The following B3GALNT2 variants were observed in gnomAD, a reference collection of about 807,000 sequenced individuals.
The protein encoded by B3GALNT2 is UDP-GalNAc:beta-1,3-N-acetylgalactosaminyltransferase 2.
Under a neutral mutation model 61.1 loss-of-function variants are expected in B3GALNT2, and 53 were observed. The observed-to-expected ratio is 0.87, with a 90% CI of 0.70 to 1.09. The LOEUF is 1.09. Ranked by LOEUF, B3GALNT2 falls within the 50% of genes least tolerant of loss-of-function variation. The probability of loss-of-function intolerance (pLI) is 0.00; values close to 1 mark genes in which losing one functional copy is unlikely to be tolerated. For synonymous variants in B3GALNT2, 223 were observed against 237.4 expected (o/e 0.94, Z 0.56); for missense variants, 544 against 623.0 (o/e 0.87, Z 1.35).
chr1:235,484,621 C>T, intron 3 of B3GALNT2, 106 bp from the exon 4 acceptor site: 1 of 1,389,082 alleles, frequency 7.2e-7, no homozygotes, highest in Non-Finnish European at 9.3e-7. Context: ...TAATCATTTG[C>T]TATATAATTC....
At chr1:235,488,234 GT>G (rs1213714038) in intron 3 of B3GALNT2, among the ~76,000 whole-genome samples, 1 of 152,072 alleles carries the variant, frequency 6.6e-6, no homozygotes, top group Non-Finnish European at 1.5e-5. Context: ...AAAATCAGCA[GT>G]TTTCCAAAAG....
chr1:235,474,985 A>ATTTTTTT (rs1558425516), intron 5 of B3GALNT2, among the ~76,000 whole-genome samples: 11 of 37,784 alleles, frequency 2.9e-4, no homozygotes, highest in Non-Finnish European at 4.5e-4. Flanking sequence ...ATATATATAT[A>ATTTTTTT]TATTTTTTTT....
rs1223961585 is a variant in B3GALNT2, at chr1:235,448,199, A to AG, written c.*2006dup. 17 of 693,488 alleles carry AG rather than the reference A, an allele frequency of 2.5e-5. No homozygotes were observed. Among genetic ancestry groups the AG allele is most frequent in the Non-Finnish European group, 4.3e-5 (17 of 396,444 alleles). The allele number at this position is 693,488 out of a possible 1,614,324, so 43.0% of individuals were successfully genotyped here. On this transcript the variant is annotated 3_prime_UTR_variant, in exon 12 of 12. Transcript: ENST00000366600. ...TGGGCGACAGAGCAAGACTTACTTA[A>AG]GTAAGTAAGTAAGTCAGTCTCAAAA...
In B3GALNT2 at chr1:235,466,886, A is replaced by G. The variant is rs1683720879; in HGVS notation, c.763-1172T>C. On this transcript the variant is annotated intron_variant, in intron 6 of 11. Transcript: ENST00000366600. ...GGCTAGATCAGACAGTTAAGAGTCC[A>G]TACTCAGTGTATTTACAGTATTTTT... Among the ~76,000 whole-genome samples, 3 of 152,222 alleles carry G rather than the reference A, an allele frequency of 2.0e-5. No individual in the cohort carries two copies. In the South Asian group the frequency reaches 6.2e-4, roughly 32 times the overall value.
In B3GALNT2 at chr1:235,448,554, T is replaced by C; in HGVS notation, c.*1652A>G. The C allele has an allele frequency of 1.4e-6, 2 of 1,387,554 alleles. No homozygotes were observed. Among genetic ancestry groups the C allele is most frequent in the South Asian group, 1.2e-5 (1 of 86,326 alleles). 86.0% of individuals were successfully genotyped at this position (1,387,554 alleles called of 1,614,324 possible). A position where few individuals can be genotyped will look rare whatever the true frequency, so the allele number is the denominator to read the frequency against. On this transcript the variant is annotated 3_prime_UTR_variant, in exon 12 of 12. Transcript: ENST00000366600. ...TCTAAATGGAGACCATGGGTCTGTTTGTTTGATTTTAAGGGTAAGCTACTG... is the reference window on the plus strand; with the variant it reads ...TCTAAATGGAGACCATGGGTCTGTTCGTTTGATTTTAAGGGTAAGCTACTG...
At chr1:235,486,611 T>C (rs1158584503) in intron 3 of B3GALNT2, among the ~76,000 whole-genome samples, 2 of 152,194 alleles carry the variant, frequency 1.3e-5, no homozygotes, top group Non-Finnish European at 2.9e-5. Flanking sequence ...AAAGATAAGA[T>C]TAGGTTCAAT....
intron 3 of B3GALNT2, among the ~76,000 whole-genome samples, chr1:235,487,278 G>A (rs1038536648): frequency 2.0e-5 from 3 of 152,032 alleles, no homozygotes; most frequent in African/African-American, 7.3e-5. Context: ...TCCTAAGTAA[G>A]AAACCTCTAT....
At chr1:235,488,006 G>C (rs1264472034) in intron 3 of B3GALNT2, among the ~76,000 whole-genome samples, 1 of 151,796 alleles carries the variant, frequency 6.6e-6, no homozygotes, top group Non-Finnish European at 1.5e-5. Flanking sequence ...GGCTGGTTTT[G>C]TGCTCCTCCT....
intron 5 of B3GALNT2, among the ~76,000 whole-genome samples, chr1:235,472,513 C>T (rs1338226376): frequency 6.6e-6 from 1 of 152,134 alleles, no homozygotes; most frequent in East Asian, 1.9e-4. Context: ...CCATTTATCA[C>T]TCTGATATTT....
chr1:235,449,984 AATAG>A lies in B3GALNT2; in HGVS notation c.*218_*221del, dbSNP rs1682793195. The stretch of plus-strand genomic sequence containing the variant: ...CTTGGTATTTTTCTGATAATCTTCC[AATAG>A]ATAAATAAAAACTTTTCTTATGCTA... On this transcript the variant is annotated 3_prime_UTR_variant, in exon 12 of 12. Coordinates refer to ENST00000366600, the MANE Select transcript of B3GALNT2 (RefSeq NM_152490.5). 1 of 408,504 alleles carries A rather than the reference AATAG, an allele frequency of 2.4e-6. No individual in the cohort carries two copies. The highest frequency in any genetic ancestry group is 4.3e-6 in the Non-Finnish European group (1 of 232,390). The allele number at this position is 408,504 out of a possible 1,614,324, so 25.3% of individuals were successfully genotyped here. A position where few individuals can be genotyped will look rare whatever the true frequency, so the allele number is the denominator to read the frequency against.
intron 2 of B3GALNT2, among the ~76,000 whole-genome samples, chr1:235,493,165 T>C (rs1572554703): frequency 1.3e-5 from 2 of 151,442 alleles, no homozygotes; most frequent in Middle Eastern, 6.8e-3. Flanking sequence ...GTGGTAAAGG[T>C]GGTGAGAAGT....
chr1:235,451,592 CAAAA>C (rs1318980148), intron 11 of B3GALNT2: 1 of 151,146 alleles, frequency 6.6e-6, no homozygotes, highest in Non-Finnish European at 1.5e-5. Context: ...TTACCAGATA[CAAAA>C]AAGAATTATA....
Position 235,458,744 on chromosome 1 carries a change from C to T in B3GALNT2, c.884G>A (p.Arg295Lys). ...LLHNLHSRPQ[R>K]LIDHIRNLHE... ...GAGATTCCTTATATGATCAATAAGT[C>T]TTTGAGGGCGAGAATGAAGGTTGTG... The change falls in exon 8 of 12, where the codon AGA (arginine) becomes AAA (lysine). Residue 295 changes from arginine to lysine, a missense_variant. Transcript: ENST00000366600. 1 of 1,606,410 alleles carries T rather than the reference C, an allele frequency of 6.2e-7. No individual in the cohort carries two copies. Among genetic ancestry groups the T allele is most frequent in the Non-Finnish European group, 8.5e-7 (1 of 1,177,782 alleles).
intron 2 of B3GALNT2, among the ~76,000 whole-genome samples, chr1:235,492,408 CAT>C (rs1489909988): frequency 6.6e-6 from 1 of 152,082 alleles, no homozygotes; most frequent in East Asian, 1.9e-4. Flanking sequence ...TGATCATTCT[CAT>C]AACACAAATC....
intron 5 of B3GALNT2, among the ~76,000 whole-genome samples, chr1:235,472,033 A>G (rs1412068559): frequency 1.3e-5 from 2 of 151,080 alleles, no homozygotes; most frequent in African/African-American, 4.9e-5. Flanking sequence ...TATGAATTGC[A>G]TGTTCTCTTC....
At chr1:235,461,515 T>TTG (rs1683431430) in intron 7 of B3GALNT2, among the ~76,000 whole-genome samples, 1 of 132,770 alleles carries the variant, frequency 7.5e-6, no homozygotes, top group African/African-American at 2.9e-5. Context: ...CTGTTTTTTT[T>TTG]TTTTTTTTTT....
At chr1:235,476,234 A>ACCC (rs892635438) in intron 5 of B3GALNT2, among the ~76,000 whole-genome samples, 1 of 151,250 alleles carries the variant, frequency 6.6e-6, no homozygotes, top group African/African-American at 2.4e-5. Flanking sequence ...ACACGGTGAA[A>ACCC]CCCCGTCTGT....
At chr1:235,446,816 C>T (rs1682362301), downstream of B3GALNT2, among the ~76,000 whole-genome samples, 1 of 151,532 alleles carries the variant, frequency 6.6e-6, no homozygotes, top group Admixed American at 6.6e-5. Context: ...TCCCAAGTAG[C>T]TGGGACTAGA....
chr1:235,442,818 T>A, downstream of B3GALNT2: 2 of 1,597,034 alleles, frequency 1.3e-6, no homozygotes, highest in East Asian at 2.2e-5. Flanking sequence ...TAATAGTAGA[T>A]ATCAATTAGT....
Sources: gnomAD v4.1 joint callset for allele counts (sites outside exome capture counted in the v4.1 genomes callset) on GRCh38, gnomAD v4.1.1 for gene constraint, MANE v1.5 for transcripts, NCBI Gene and HGNC (gene_info 2026-07-23, HGNC 2026-07-21) for gene names.